Variants in MYT1L observed in about 807,000 individuals in gnomAD.
MYT1L encodes the protein myelin transcription factor 1-like protein.
MYT1L carries 12 observed loss-of-function variants against 126.7 expected under a neutral mutation model. That is an observed-to-expected ratio of 0.09 (90% confidence interval 0.06 to 0.15). The LOEUF (loss-of-function observed/expected upper bound fraction) is 0.15. Ranked by LOEUF, MYT1L falls within the 10% of genes least tolerant of loss-of-function variation. The probability of loss-of-function intolerance (pLI) is 1.00; values close to 1 mark genes in which losing one functional copy is unlikely to be tolerated. For synonymous variants in MYT1L, 541 were observed against 604.2 expected, an observed-to-expected ratio of 0.90 and a Z score of 1.53; for missense variants, 979 against 1,585.2, an observed-to-expected ratio of 0.62 and a Z score of 6.49.
chr2:2,219,330 C>T (rs2093785383), intron 2 of MYT1L, among the ~76,000 whole-genome samples: 1 of 152,156 alleles, frequency 6.6e-6, no homozygotes, highest in East Asian at 1.9e-4. Context: ...AATTGGCTTT[C>T]TGCATAAGTT....
chr2:1,861,615 C>T (rs1169092382), intron 18 of MYT1L, among the ~76,000 whole-genome samples: 1 of 151,042 alleles, frequency 6.6e-6, no homozygotes, highest in Non-Finnish European at 1.5e-5. Flanking sequence ...CTGTGTAATC[C>T]TAGATCTGCC....
At chr2:1,794,101 C>T (rs916251285) in intron 23 of MYT1L, among the ~76,000 whole-genome samples, 2 of 146,292 alleles carry the variant, frequency 1.4e-5, no homozygotes, top group South Asian at 2.2e-4. Context: ...AAAAGGTACA[C>T]GCAGGGGGAA....
intron 9 of MYT1L, among the ~76,000 whole-genome samples, chr2:1,932,488 T>C (rs575581722): frequency 1.3e-5 from 2 of 152,272 alleles, no homozygotes; most frequent in Admixed American, 1.3e-4. Context: ...TTGTCACACT[T>C]AGAGATGAAC....
chr2:1,800,541 C>A (rs6735754), intron 23 of MYT1L, among the ~76,000 whole-genome samples: 1 of 152,074 alleles, frequency 6.6e-6, no homozygotes, highest in Non-Finnish European at 1.5e-5. Flanking sequence ...AAATCCCTTT[C>A]GGTTGCTTGG....
At position 2,014,314 on chromosome 2, in the gene MYT1L, G is replaced by A. The variant is rs575386487; in HGVS notation, c.-157-16967C>T. 9.2e-5 allele frequency among the ~76,000 whole-genome samples: 14 copies of A among 151,902 alleles called. No individual in the cohort carries two copies. In the East Asian group the frequency reaches 1.9e-3, roughly 21 times the overall value. ...TCCTTGTGAACCGCCTTTTGTGGGC[G>A]GTCTCCAAGTTCCTTCCAAACAGTG... On this transcript the variant is annotated intron_variant, in intron 4 of 24. Transcript: ENST00000647738.
intron 2 of MYT1L, among the ~76,000 whole-genome samples, chr2:2,217,887 C>T (rs2093738715): frequency 6.6e-6 from 1 of 152,030 alleles, no homozygotes; most frequent in Admixed American, 6.6e-5. Context: ...AGATCAGCAC[C>T]ACATTTTTTA....
intron 2 of MYT1L, among the ~76,000 whole-genome samples, chr2:2,213,386 G>T (rs535934178): frequency 6.6e-6 from 1 of 152,128 alleles, no homozygotes; most frequent in Non-Finnish European, 1.5e-5. Context: ...TGCAGAGAAG[G>T]GAGCTGCAGA....
rs554121646 is a variant in MYT1L at position 2,271,397 on chromosome 2, T to C, written c.-421+13007A>G. ...CACACACATCAGCCATGATGTGATA[T>C]GATAAAGGATGGCTTAAAAAGCTCC... On this transcript the variant is annotated intron_variant, in intron 2 of 24. Coordinates refer to ENST00000647738, the MANE Select transcript of MYT1L (RefSeq NM_001303052.2). Among the ~76,000 whole-genome samples the C allele has an allele frequency of 9.2e-5, 14 of 152,278 alleles. No homozygotes were observed. In the South Asian group the frequency reaches 2.9e-3, roughly 32 times the overall value.
intron 13 of MYT1L, among the ~76,000 whole-genome samples, chr2:1,905,729 C>A (rs1019639199): frequency 6.6e-6 from 1 of 152,258 alleles, no homozygotes; most frequent in East Asian, 1.9e-4. Context: ...TTGCCTGTAC[C>A]TCTAGCACAA....
chr2:2,076,871 G>A (rs2075286993), intron 3 of MYT1L, among the ~76,000 whole-genome samples: 1 of 152,066 alleles, frequency 6.6e-6, no homozygotes, highest in Non-Finnish European at 1.5e-5. Flanking sequence ...CTCAGATTTG[G>A]GACTTGGTGA....
chr2:2,217,059 A>T (rs767613218), intron 2 of MYT1L, among the ~76,000 whole-genome samples: 8 of 152,244 alleles, frequency 5.3e-5, no homozygotes, highest in Non-Finnish European at 1.0e-4. Flanking sequence ...ACAAAACTTC[A>T]GGTCTCGATA....
At position 2,003,761 on chromosome 2, in the gene MYT1L, C is replaced by T. The variant is rs555620811; in HGVS notation, c.-157-6414G>A. On this transcript the variant is annotated intron_variant, in intron 4 of 24. Transcript: ENST00000647738. ...ATGTCTGCACGCCTTCCTGTGTGGA[C>T]CCCCACTTTCCCTGACTAAGTCTCC... is the stretch of plus-strand genomic sequence containing the variant. 4.6e-5 allele frequency among the ~76,000 whole-genome samples: 7 copies of T among 152,250 alleles called. No individual in the cohort carries two copies. In the South Asian group the frequency reaches 1.5e-3, roughly 32 times the overall value.
chr2:1,975,092 C>A (rs1030275840), intron 8 of MYT1L, among the ~76,000 whole-genome samples: 6 of 152,144 alleles, frequency 3.9e-5, no homozygotes, highest in Non-Finnish European at 7.4e-5. Flanking sequence ...AAATTATTTT[C>A]TTTCCCAGGT....
At chr2:1,959,446 C>G (rs1053138563) in intron 8 of MYT1L, among the ~76,000 whole-genome samples, 1 of 152,242 alleles carries the variant, frequency 6.6e-6, no homozygotes, top group Non-Finnish European at 1.5e-5. Flanking sequence ...AGTCCAGCAT[C>G]TGGTACATCT....
At chr2:2,021,672 C>T (rs2065041416) in intron 4 of MYT1L, among the ~76,000 whole-genome samples, 1 of 152,178 alleles carries the variant, frequency 6.6e-6, no homozygotes, top group South Asian at 2.1e-4. Flanking sequence ...CCAAGGCAGG[C>T]TGATCACGAG....
At chr2:1,883,577 T>C (rs1378124122) in intron 18 of MYT1L, among the ~76,000 whole-genome samples, 2 of 152,150 alleles carry the variant, frequency 1.3e-5, no homozygotes, top group Non-Finnish European at 2.9e-5. Context: ...GTATTCTTTT[T>C]CGCTTTTTGG....
Position 1,894,328 on chromosome 2 carries a change from G to A in MYT1L, c.2033-2041C>T, listed in dbSNP as rs115227252. Among the ~76,000 whole-genome samples the A allele has an allele frequency of 8.0e-3, 1,214 of 152,268 alleles. 19 individuals carry two copies. The highest frequency in any genetic ancestry group is 0.028 in the African/African-American group (1,166 of 41,568). The stretch of plus-strand genomic sequence containing the variant: ...ACCAGGGCCTTTGAGAGAGACCACC[G>A]TGGGGCTGCAAAGGAGTCAACCAGA... On this transcript the variant is annotated intron_variant, in intron 14 of 24. Coordinates refer to ENST00000647738, the MANE Select transcript of MYT1L (RefSeq NM_001303052.2).
intron 21 of MYT1L, among the ~76,000 whole-genome samples, chr2:1,821,165 C>T (rs1014511071): frequency 1.3e-5 from 2 of 152,146 alleles, no homozygotes; most frequent in Non-Finnish European, 2.9e-5. Flanking sequence ...CTCAACGAGG[C>T]CTTTATATCT....
chr2:2,078,841 T>C (rs1156811912), intron 3 of MYT1L, among the ~76,000 whole-genome samples: 2 of 152,228 alleles, frequency 1.3e-5, no homozygotes, highest in African/African-American at 4.8e-5. Flanking sequence ...CAATTGTATT[T>C]TGCATATGAA....
Sources: allele counts gnomAD v4.1 joint callset (sites outside exome capture counted in the v4.1 genomes callset), GRCh38; gene constraint gnomAD v4.1.1; transcripts MANE v1.5; gene names NCBI Gene and HGNC (gene_info 2026-07-23, HGNC 2026-07-21).